CACNB4: variants seen among roughly 807,000 people sequenced by gnomAD.
CACNB4 encodes the protein voltage-dependent L-type calcium channel subunit beta-4.
Under a neutral mutation model 71.2 loss-of-function variants are expected in CACNB4, and 32 were observed. The observed-to-expected ratio is 0.45, with a 90% confidence interval of 0.34 to 0.60. The LOEUF is 0.60. Ranked by LOEUF, CACNB4 falls within the 20% of genes least tolerant of loss-of-function variation. CACNB4 has a pLI of 0.01. For synonymous variants in CACNB4, 231 were observed against 236.9 expected, an observed-to-expected ratio of 0.97 and a Z score of 0.23; for missense variants, 464 against 647.9, an observed-to-expected ratio of 0.72 and a Z score of 3.08.
At chr2:152,067,385 GTGT>G (rs1346752733) in intron 2 of CACNB4, among the ~76,000 whole-genome samples, 34 of 147,066 alleles carry the variant, frequency 2.3e-4, no homozygotes, top group African/African-American at 8.8e-4. Context: ...AGATGTGTGT[GTGT>G]GGGGGGGGGG....
intron 2 of CACNB4, among the ~76,000 whole-genome samples, chr2:152,007,928 T>C (rs1466119253): frequency 6.6e-6 from 1 of 151,944 alleles, no homozygotes; most frequent in Non-Finnish European, 1.5e-5. Context: ...CCTGCCACCA[T>C]GCCCAGCTAA....
At chr2:151,892,256 A>G (rs1283773139) in intron 2 of CACNB4, among the ~76,000 whole-genome samples, 1 of 151,884 alleles carries the variant, frequency 6.6e-6, no homozygotes, top group African/African-American at 2.4e-5. Context: ...CACACCCAAC[A>G]CTACTTTTAC....
At chr2:152,028,925 T>C (rs1414458421) in intron 2 of CACNB4, among the ~76,000 whole-genome samples, 2 of 152,250 alleles carry the variant, frequency 1.3e-5, no homozygotes, top group Non-Finnish European at 2.9e-5. Flanking sequence ...ATGGCACTTC[T>C]GAGTAGCTTT....
intron 2 of CACNB4, among the ~76,000 whole-genome samples, chr2:151,960,598 G>A (rs1025754721): frequency 3.3e-5 from 5 of 152,302 alleles, no homozygotes; most frequent in Middle Eastern, 3.4e-3. Flanking sequence ...TTCTGTTCCA[G>A]AGACTGGAGG....
intron 2 of CACNB4, among the ~76,000 whole-genome samples, chr2:151,947,463 T>G (rs2151650733): frequency 6.6e-6 from 1 of 152,236 alleles, no homozygotes; most frequent in Middle Eastern, 3.4e-3. Context: ...GGGACGGGAT[T>G]CTATTGCAGA....
chr2:151,917,322 A>T (rs1039322928), intron 2 of CACNB4, among the ~76,000 whole-genome samples: 4 of 152,208 alleles, frequency 2.6e-5, no homozygotes, highest in Non-Finnish European at 5.9e-5. Context: ...TAATCCCTAT[A>T]TAAGACAGGT....
chr2:152,007,970 C>T (rs1682826694), intron 2 of CACNB4, among the ~76,000 whole-genome samples: 1 of 151,992 alleles, frequency 6.6e-6, no homozygotes, highest in Non-Finnish European at 1.5e-5. Context: ...CAGGGTTTCA[C>T]CATGTTGGCC....
At chr2:151,839,479 A>G in intron 13 of CACNB4, 100 bp from the exon 14 acceptor site, 1 of 951,676 alleles carries the variant, frequency 1.1e-6, no homozygotes. Flanking sequence ...ATAAGATGCT[A>G]AATATCTGAC....
intron 2 of CACNB4, among the ~76,000 whole-genome samples, chr2:151,947,256 A>G (rs911262896): frequency 6.6e-6 from 1 of 152,158 alleles, no homozygotes; most frequent in African/African-American, 2.4e-5. Flanking sequence ...ATGGAAAGAG[A>G]AGATGTCCAG....
intron 2 of CACNB4, among the ~76,000 whole-genome samples, chr2:152,012,784 GATTT>G (rs914520637): frequency 1.3e-5 from 2 of 151,646 alleles, no homozygotes; most frequent in Non-Finnish European, 2.9e-5. Flanking sequence ...AGCTAAGGTT[GATTT>G]ATTATTGAAG....
chr2:151,950,476 C>A (rs1256566520), intron 2 of CACNB4, among the ~76,000 whole-genome samples: 1 of 152,182 alleles, frequency 6.6e-6, no homozygotes, highest in East Asian at 1.9e-4. Flanking sequence ...CTAGGTATAT[C>A]CCCAAAATAA....
chr2:151,943,243 T>C (rs1046972574), intron 2 of CACNB4, among the ~76,000 whole-genome samples: 1 of 152,172 alleles, frequency 6.6e-6, no homozygotes, highest in Non-Finnish European at 1.5e-5. Context: ...CTGACACTTA[T>C]GGAAAATAGA....
intron 2 of CACNB4, among the ~76,000 whole-genome samples, chr2:151,912,101 A>AT (rs1373359233): frequency 3.3e-5 from 5 of 149,734 alleles, no homozygotes; most frequent in Non-Finnish European, 6.0e-5. Flanking sequence ...CTATTTGTTA[A>AT]TTTTTTCAAA....
chr2:151,878,550 T>TACACACACACACACACAC (rs60040188), intron 4 of CACNB4, among the ~76,000 whole-genome samples: 13,729 of 129,700 alleles, frequency 0.11, 1,265 homozygotes, highest in East Asian at 0.45. Context: ...AGACCCTGTC[T>TACACACACACACACACAC]ACACACACAC....
chr2:151,984,346 C>T (rs1348051442), intron 2 of CACNB4, among the ~76,000 whole-genome samples: 1 of 152,158 alleles, frequency 6.6e-6, no homozygotes, highest in Admixed American at 6.5e-5. Context: ...ATTTACCTAA[C>T]TTAATGAGAA....
At chr2:151,851,473 TG>T (rs1559865210) in intron 12 of CACNB4, 1 of 152,240 alleles carries the variant, frequency 6.6e-6, no homozygotes, top group Non-Finnish European at 1.5e-5. Context: ...TTTCCAGTCA[TG>T]GAGCTGTTTG....
intron 2 of CACNB4, among the ~76,000 whole-genome samples, chr2:152,001,840 T>G: frequency 6.6e-6 from 1 of 151,984 alleles, no homozygotes; most frequent in Non-Finnish European, 1.5e-5. Flanking sequence ...GGCTGTGGAA[T>G]AGAATGTAAA....
At chr2:151,968,997 A>G (rs2151722995) in intron 2 of CACNB4, 1 of 152,364 alleles carries the variant, frequency 6.6e-6, no homozygotes, top group Admixed American at 6.5e-5. Context: ...AATAATTTCA[A>G]TATATATTTT....
chr2:152,041,966 T>C (rs1358868507), intron 2 of CACNB4, among the ~76,000 whole-genome samples: 2 of 152,118 alleles, frequency 1.3e-5, no homozygotes, highest in Non-Finnish European at 2.9e-5. Context: ...GCCCAGCACA[T>C]AGGAGGTGTT....
Sources: allele counts gnomAD v4.1 joint callset (sites outside exome capture counted in the v4.1 genomes callset), GRCh38; gene constraint gnomAD v4.1.1; transcripts MANE v1.5; gene names NCBI Gene and HGNC (gene_info 2026-07-23, HGNC 2026-07-21).